The following MPZL1 variants were observed in gnomAD, a reference collection of about 807,000 sequenced individuals.
MPZL1 encodes myelin protein zero like 1, also known as myelin protein zero-like protein 1.
A neutral mutation model predicts 29.3 loss-of-function variants in MPZL1; 16 were observed. That is an observed-to-expected ratio of 0.55 (90% CI 0.37 to 0.83). MPZL1 has a LOEUF of 0.83. MPZL1 is among the 40% of genes least tolerant of loss of function. MPZL1 has a pLI of 0.00. For synonymous variants in MPZL1, 143 were observed against 132.0 expected (o/e 1.08, Z -0.57); for missense variants, 279 against 332.9 (o/e 0.84, Z 1.26).
intron 1 of MPZL1, among the ~76,000 whole-genome samples, chr1:167,748,538 A>G (rs945808545): frequency 3.9e-5 from 6 of 152,208 alleles, no homozygotes; most frequent in African/African-American, 1.2e-4. Flanking sequence ...CAAGTCTCAT[A>G]TATGATTTGC....
intron 2 of MPZL1, 31 bp from the exon 3 acceptor site, chr1:167,772,244 T>C (rs1464612481): frequency 6.5e-7 from 1 of 1,543,054 alleles, no homozygotes; most frequent in African/African-American, 1.4e-5. Context: ...CCTTTGAGAA[T>C]AGTTCATGTG....
At position 167,750,307 on chromosome 1, in the gene MPZL1, TCTC is replaced by T. The variant is rs763261686; in HGVS notation, c.92-15273_92-15271del. Among the ~76,000 whole-genome samples, 183 of 152,264 alleles carry T rather than the reference TCTC, an allele frequency of 1.2e-3. 2 individuals are homozygous for T. Among genetic ancestry groups the T allele is most frequent in the Admixed American group, 4.3e-3 (66 of 15,282 alleles). ...CCTCCGCCTCCAGGGTTCAAGCAAT[TCTC>T]CTGTCTCAGCCTCCCAAGTAGCTGG... On this transcript the variant is annotated intron_variant, in intron 1 of 5. Coordinates refer to ENST00000359523, the MANE Select transcript of MPZL1 (RefSeq NM_003953.6).
At chr1:167,727,043 C>T (rs1483763651) in intron 1 of MPZL1, among the ~76,000 whole-genome samples, 2 of 151,986 alleles carry the variant, frequency 1.3e-5, no homozygotes, top group Admixed American at 1.3e-4. Context: ...AAATTTGCAG[C>T]AAATTTTTGA....
intron 5 of MPZL1, among the ~76,000 whole-genome samples, chr1:167,786,214 A>G (rs1661590412): frequency 1.3e-5 from 2 of 152,196 alleles, no homozygotes; most frequent in Admixed American, 6.5e-5. Context: ...AATATTTCCT[A>G]TGACAGCCAT....
rs1253983085 is a variant in MPZL1 at position 167,790,487 on chromosome 1, C to G, written c.*2566C>G. 2.0e-5 allele frequency: 3 copies of G among 152,286 alleles called. No homozygotes were observed. Among genetic ancestry groups the G allele is most frequent in the Non-Finnish European group, 4.4e-5 (3 of 68,090 alleles). The allele number at this position is 152,286 out of a possible 1,614,324, so 9.4% of individuals were successfully genotyped here. Reference sequence around the variant, plus strand: ...AGCCTCTCAGGGCAGGACCTCTTCCCAAGCCCTGCACACCCACCCCTGCAG... The same window carrying G: ...AGCCTCTCAGGGCAGGACCTCTTCCGAAGCCCTGCACACCCACCCCTGCAG... On this transcript the variant is annotated 3_prime_UTR_variant, in exon 6 of 6. Coordinates refer to ENST00000359523, the MANE Select transcript of MPZL1 (RefSeq NM_003953.6).
intron 2 of MPZL1, among the ~76,000 whole-genome samples, chr1:167,770,953 G>C (rs1661230670): frequency 6.6e-6 from 1 of 151,082 alleles, no homozygotes. Context: ...CTAAACTTCT[G>C]TCTGGCTTAG....
intron 1 of MPZL1, among the ~76,000 whole-genome samples, chr1:167,730,618 G>A (rs904880780): frequency 4.6e-5 from 7 of 152,106 alleles, no homozygotes; most frequent in African/African-American, 1.7e-4. Flanking sequence ...TACCTCTCCC[G>A]CTATCAAGAG....
chr1:167,724,780 G>A (rs1420125032), intron 1 of MPZL1, among the ~76,000 whole-genome samples: 1 of 152,148 alleles, frequency 6.6e-6, no homozygotes, highest in East Asian at 1.9e-4. Context: ...AGAAAGTTCT[G>A]GTTGGAAATG....
chr1:167,740,498 C>G (rs1469925745), intron 1 of MPZL1, among the ~76,000 whole-genome samples: 1 of 152,160 alleles, frequency 6.6e-6, no homozygotes, highest in Non-Finnish European at 1.5e-5. Context: ...ACCACATTCT[C>G]TGGTTTTCTT....
chr1:167,786,806 G>A (rs1027311343), intron 5 of MPZL1, among the ~76,000 whole-genome samples: 8 of 152,328 alleles, frequency 5.3e-5, no homozygotes, highest in African/African-American at 1.7e-4. Flanking sequence ...GCTTAAGCAC[G>A]TTATTAGACT....
At chr1:167,732,109 T>C (rs976593880) in intron 1 of MPZL1, among the ~76,000 whole-genome samples, 1 of 152,232 alleles carries the variant, frequency 6.6e-6, no homozygotes, top group Non-Finnish European at 1.5e-5. Flanking sequence ...TAGGGACTAC[T>C]ACATAATATA....
intron 5 of MPZL1, among the ~76,000 whole-genome samples, chr1:167,785,814 A>G (rs1558127392): frequency 6.6e-6 from 1 of 151,864 alleles, no homozygotes; most frequent in Non-Finnish European, 1.5e-5. Flanking sequence ...TTTTTTTGAG[A>G]CGGAGTCTCG....
chr1:167,758,847 A>G (rs1660923822), intron 1 of MPZL1, among the ~76,000 whole-genome samples: 1 of 152,226 alleles, frequency 6.6e-6, no homozygotes, highest in Non-Finnish European at 1.5e-5. Context: ...AAACTCTAGC[A>G]TAACTCAGCA....
chr1:167,748,514 T>C (rs1660693613), intron 1 of MPZL1, among the ~76,000 whole-genome samples: 1 of 152,246 alleles, frequency 6.6e-6, no homozygotes, highest in African/African-American at 2.4e-5. Context: ...AAGTGTTCTT[T>C]ATATATTTGA....
chr1:167,766,060 T>C (rs1661108538), intron 2 of MPZL1, among the ~76,000 whole-genome samples: 2 of 152,022 alleles, frequency 1.3e-5, no homozygotes, highest in Non-Finnish European at 2.9e-5. Context: ...CCATATTTAT[T>C]GATATTTGTT....
chr1:167,753,975 T>G lies in MPZL1; in HGVS notation c.92-11608T>G, dbSNP rs191658943. ...GCAGAACAGTGATTTTCAAGCTCTC[T>G]TCATTAGATTCTAGCAGCTGGAGTT... On this transcript the variant is annotated intron_variant, in intron 1 of 5. Coordinates refer to ENST00000359523, the MANE Select transcript of MPZL1 (RefSeq NM_003953.6). Among the ~76,000 whole-genome samples, 70 of 151,244 alleles carry G rather than the reference T, an allele frequency of 4.6e-4. 1 individual carries two copies. Among genetic ancestry groups the G allele is most frequent in the Non-Finnish European group, 9.0e-4 (61 of 67,830 alleles).
At chr1:167,783,775 G>C (rs10489198) in intron 5 of MPZL1, among the ~76,000 whole-genome samples, 1 of 151,976 alleles carries the variant, frequency 6.6e-6, no homozygotes. Flanking sequence ...TTGATAATCA[G>C]TATTTGTCTC....
intron 1 of MPZL1, among the ~76,000 whole-genome samples, chr1:167,761,976 C>G (rs1451058210): frequency 6.6e-6 from 1 of 152,080 alleles, no homozygotes; most frequent in East Asian, 1.9e-4. Flanking sequence ...GCTTAGGGAT[C>G]AGTGAACTCA....
chr1:167,788,262 G>A lies in MPZL1; in HGVS notation c.*341G>A, dbSNP rs1661630162. The A allele has an allele frequency of 4.1e-6, 1 of 244,114 alleles. No homozygotes were observed. Among genetic ancestry groups the A allele is most frequent in the Non-Finnish European group, 8.1e-6 (1 of 122,896 alleles). 15.1% of individuals were successfully genotyped at this position (244,114 alleles called of 1,614,324 possible). The stretch of plus-strand genomic sequence containing the variant: ...TTTAGAAATGGTTTGCCTTAATGGA[G>A]ACAATAGCAGATCCTGTAGTATTTC... On this transcript the variant is annotated 3_prime_UTR_variant, in exon 6 of 6. Coordinates refer to ENST00000359523, the MANE Select transcript of MPZL1 (RefSeq NM_003953.6).
Sources: allele counts gnomAD v4.1 joint callset (sites outside exome capture counted in the v4.1 genomes callset), GRCh38; gene constraint gnomAD v4.1.1; transcripts MANE v1.5; gene names NCBI Gene and HGNC (gene_info 2026-07-23, HGNC 2026-07-21).